The following PREX2 variants were observed in gnomAD, a reference collection of about 807,000 sequenced individuals.
The protein encoded by PREX2 is phosphatidylinositol-3,4,5-trisphosphate dependent Rac exchange factor 2, also known as phosphatidylinositol 3,4,5-trisphosphate-dependent Rac exchanger 2 protein.
In PREX2, 107 loss-of-function variants were observed where a neutral mutation model predicts 203.2. The observed-to-expected ratio is 0.53, with a 90% CI of 0.45 to 0.62. The LOEUF is 0.62. Ranked by LOEUF, PREX2 falls within the 20% of genes least tolerant of loss-of-function variation. The pLI is 0.00. For synonymous variants in PREX2, 672 were observed against 663.6 expected, an observed-to-expected ratio of 1.01 and a Z score of -0.19; for missense variants, 1,777 against 1,955.9, an observed-to-expected ratio of 0.91 and a Z score of 1.72.
chr8:68,195,251 A>G (rs1812372523), intron 37 of PREX2, among the ~76,000 whole-genome samples: 1 of 152,314 alleles, frequency 6.6e-6, no homozygotes, highest in East Asian at 1.9e-4. Context: ...TACTATATGC[A>G]TTGATTAGTG....
intron 9 of PREX2, 57 bp from the exon 10 acceptor site, chr8:68,055,773 T>C (rs760810375): frequency 5.3e-6 from 8 of 1,495,664 alleles, no homozygotes; most frequent in Non-Finnish European, 7.4e-6. Context: ...AAGCCATAAC[T>C]GAATGAATGA....
rs149225886 is a variant in PREX2, at chr8:67,965,432, C to T, written c.141+12897C>T. ...TCCTATATATGATCAAATCACAAGA[C>T]ATTTGAGGCAAAGATATAAAATTAG... On this transcript the variant is annotated intron_variant, in intron 1 of 39. Coordinates refer to ENST00000288368, the MANE Select transcript of PREX2 (RefSeq NM_024870.4). Among the ~76,000 whole-genome samples the T allele has an allele frequency of 2.4e-4, 37 of 151,834 alleles. No individual in the cohort carries two copies. In the East Asian group the frequency reaches 7.2e-3, roughly 29 times the overall value.
intron 5 of PREX2, 121 bp from the exon 6 acceptor site, chr8:68,030,376 T>C: frequency 1.3e-6 from 1 of 794,560 alleles, no homozygotes; most frequent in Non-Finnish European, 1.9e-6. Context: ...GAGGAATTTG[T>C]GATGTCACTT....
chr8:68,097,385 C>T (rs1394816748), intron 22 of PREX2, among the ~76,000 whole-genome samples, 184 bp downstream of exon 22: 3 of 150,760 alleles, frequency 2.0e-5, no homozygotes, highest in East Asian at 1.9e-4. Context: ...AGTGCAGTGG[C>T]GTGATCTCGG....
At position 68,069,896 on chromosome 8, in the gene PREX2, T is replaced by A. The variant is rs1484840501; in HGVS notation, c.1493+12T>A. 2 of 1,487,800 alleles carry A rather than the reference T, an allele frequency of 1.3e-6. No individual in the cohort carries two copies. The highest frequency in any genetic ancestry group is 2.4e-5 in the South Asian group (2 of 81,980). 92.2% of individuals were successfully genotyped at this position (1,487,800 alleles called of 1,614,324 possible). ...ACTCCAGTGATAAGGTGAGTCTGGT[T>A]TTTAAGTTCTGGGAAACTTAAATGG... On this transcript the variant is annotated intron_variant, in intron 13 of 39. Coordinates refer to ENST00000288368, the MANE Select transcript of PREX2 (RefSeq NM_024870.4).
At chr8:68,103,584 T>A (rs894444258) in intron 23 of PREX2, 1 of 519,088 alleles carries the variant, frequency 1.9e-6, no homozygotes, top group African/African-American at 1.9e-5. Flanking sequence ...AGGCTGTCTA[T>A]ACCTGCTTTC....
intron 26 of PREX2, among the ~76,000 whole-genome samples, chr8:68,117,916 C>G (rs564672498): frequency 1.9e-4 from 29 of 152,250 alleles, no homozygotes; most frequent in African/African-American, 7.0e-4. Context: ...AGCAAGTTAT[C>G]TAATTACTGG....
intron 18 of PREX2, among the ~76,000 whole-genome samples, chr8:68,085,406 T>C (rs1809651674): frequency 6.6e-6 from 1 of 152,216 alleles, no homozygotes; most frequent in Non-Finnish European, 1.5e-5. Context: ...CTTATTCTAA[T>C]GTATGAGTTC....
chr8:68,044,720 G>A, intron 8 of PREX2, 130 bp downstream of exon 8: 3 of 673,398 alleles, frequency 4.5e-6, no homozygotes, highest in Non-Finnish European at 7.6e-6. Context: ...AGGTAAAGTG[G>A]TTGGGTAGAG....
chr8:68,224,331 G>T (rs1040068037), intron 38 of PREX2, among the ~76,000 whole-genome samples: 36 of 152,074 alleles, frequency 2.4e-4, no homozygotes, highest in African/African-American at 8.0e-4. Context: ...TTCAACATCT[G>T]AAGTATTGAT....
chr8:67,972,511 C>T (rs1563477462), intron 1 of PREX2, among the ~76,000 whole-genome samples: 1 of 152,150 alleles, frequency 6.6e-6, no homozygotes, highest in African/African-American at 2.4e-5. Context: ...CCTTTCAGAC[C>T]CTTTTTTTAA....
At chr8:68,172,480 A>C (rs1166062022) in intron 35 of PREX2, among the ~76,000 whole-genome samples, 1 of 152,216 alleles carries the variant, frequency 6.6e-6, no homozygotes, top group Non-Finnish European at 1.5e-5. Context: ...GATAAATATT[A>C]AACAAAATTT....
intron 35 of PREX2, among the ~76,000 whole-genome samples, chr8:68,184,171 C>T (rs1254763740): frequency 6.6e-6 from 1 of 152,144 alleles, no homozygotes; most frequent in African/African-American, 2.4e-5. Flanking sequence ...TTCCACTCAT[C>T]GTCGTGTATT....
At chr8:68,044,866 A>T (rs1316540440) in intron 8 of PREX2, among the ~76,000 whole-genome samples, 1 of 152,114 alleles carries the variant, frequency 6.6e-6, no homozygotes, top group Non-Finnish European at 1.5e-5. Flanking sequence ...CGGGACTGAA[A>T]CAGAGAGCAC....
chr8:68,019,740 G>A (rs1344677743), intron 3 of PREX2, 69 bp downstream of exon 3: 2 of 1,424,930 alleles, frequency 1.4e-6, no homozygotes, highest in Non-Finnish European at 1.9e-6. Flanking sequence ...TCTTGGCATA[G>A]TGGTATGTGT....
At chr8:68,132,455 A>G (rs1377854838) in intron 31 of PREX2, among the ~76,000 whole-genome samples, 1 of 152,050 alleles carries the variant, frequency 6.6e-6, no homozygotes, top group Admixed American at 6.6e-5. Context: ...AGTTGAGCCT[A>G]ATAAGTGAAT....
chr8:68,171,639 C>T lies in PREX2; in HGVS notation c.4346+14203C>T, dbSNP rs550262084. 3.2e-4 allele frequency among the ~76,000 whole-genome samples: 49 copies of T among 152,222 alleles called. No homozygotes were observed. In the South Asian group the frequency reaches 3.5e-3, roughly 11 times the overall value. The stretch of plus-strand genomic sequence containing the variant: ...GCTTCCATGCCCTGTCTCTGAGTGT[C>T]GGCACATCTCCCCATCCCTTTCTCT... On this transcript the variant is annotated intron_variant, in intron 35 of 39. Coordinates refer to ENST00000288368, the MANE Select transcript of PREX2 (RefSeq NM_024870.4).
chr8:68,207,450 A>G (rs973628776), intron 37 of PREX2, among the ~76,000 whole-genome samples: 23 of 152,188 alleles, frequency 1.5e-4, no homozygotes, highest in African/African-American at 4.6e-4. Flanking sequence ...TATCATTGGC[A>G]CACATTAGGA....
chr8:67,974,241 C>T (rs1806005432), intron 1 of PREX2, among the ~76,000 whole-genome samples: 2 of 151,822 alleles, frequency 1.3e-5, no homozygotes, highest in Admixed American at 1.3e-4. Context: ...TCAGTGGTGC[C>T]TTGGTGTACT....
Sources: gnomAD v4.1 joint callset for allele counts (sites outside exome capture counted in the v4.1 genomes callset) on GRCh38, gnomAD v4.1.1 for gene constraint, MANE v1.5 for transcripts, NCBI Gene and HGNC (gene_info 2026-07-23, HGNC 2026-07-21) for gene names.